Variants in ZNF423 observed in about 807,000 individuals in gnomAD.
The protein encoded by ZNF423 is zinc finger protein 423.
A neutral mutation model predicts 95.8 loss-of-function variants in ZNF423; 12 were observed. The observed-to-expected ratio is 0.13, with a 90% CI of 0.08 to 0.20. The LOEUF is 0.20. Among genes scored for constraint, ZNF423 ranks in the 10% least tolerant of loss-of-function variants. ZNF423 has a pLI of 1.00. For missense variants in ZNF423, 1,316 were observed against 1,737.1 expected, an observed-to-expected ratio of 0.76 and a Z score of 4.31; for synonymous variants, 749 against 711.9, an observed-to-expected ratio of 1.05 and a Z score of -0.83.
Position 49,637,938 on chromosome 16 carries a change from G to A in ZNF423, c.1238C>T (p.Thr413Ile). 1 of 1,614,158 alleles carries A rather than the reference G, an allele frequency of 6.2e-7. No homozygotes were observed. The stretch of plus-strand genomic sequence containing the variant: ...ATAGGGGCAGCTATAGACCACCTTG[G>A]TCCAGCCCTGCCCGTCATCCCGCAT... ...KKMRDDGQGW[T>I]KVVYSCPYCS... is the part of the protein sequence containing the mutation. Residue 413 changes from threonine (T) to isoleucine (I), a missense_variant, in exon 4 of 8, where the codon ACC becomes ATC. Around this residue, in one of 6 missense-constraint regions of ZNF423, gnomAD observed 399 missense variants for 478.5 expected, o/e 0.83. Transcript: ENST00000563137. The surrounding 1 kb of genome is among the most constrained non-coding windows in gnomAD (Gnocchi z 5.6).
intron 3 of ZNF423, among the ~76,000 whole-genome samples, chr16:49,674,150 G>T (rs1199591359): frequency 1.3e-5 from 2 of 152,212 alleles, no homozygotes; most frequent in African/African-American, 4.8e-5. Flanking sequence ...GTTCTAGCAT[G>T]GGTACTTTTT....
chr16:49,573,871 C>T (rs1970419397), intron 5 of ZNF423, among the ~76,000 whole-genome samples: 1 of 152,208 alleles, frequency 6.6e-6, no homozygotes, highest in Admixed American at 6.5e-5. Context: ...CTCTGGGCTT[C>T]TCTTTGCTAT....
At chr16:49,503,100 C>G (rs57703658) in intron 7 of ZNF423, among the ~76,000 whole-genome samples, 19,630 of 151,802 alleles carry the variant, frequency 0.13, 1,437 homozygotes, top group East Asian at 0.22. Context: ...AGTCCTGACA[C>G]TAACCATGTA....
chr16:49,525,392 C>T lies in ZNF423; in HGVS notation c.3704G>A (p.Gly1235Asp), dbSNP rs1252326214. The change falls in exon 6 of 8, where the codon GGC (glycine) becomes GAC (aspartate). Residue 1235 changes from glycine (G) to aspartate (D), a missense_variant. Coordinates refer to ENST00000563137, the MANE Select transcript of ZNF423 (RefSeq NM_001379286.1). ...GAAACACACGGGGCATTTGAAGGTG[C>T]CGCCCATGCCCTCGAAGCTGTGCTC... ...LIEHSFEGMG[G>D]TFKCPVCFTV... 8.7e-6 allele frequency: 14 copies of T among 1,614,040 alleles called. No individual in the cohort carries two copies. The highest frequency in any genetic ancestry group is 1.1e-5 in the Non-Finnish European group (13 of 1,179,948).
At position 49,766,146 on chromosome 16, in the gene ZNF423, A is replaced by C. The variant is rs537198587; in HGVS notation, c.100+23341T>G. 3.0e-4 allele frequency among the ~76,000 whole-genome samples: 46 copies of C among 152,370 alleles called. No individual in the cohort carries two copies. In the South Asian group the frequency reaches 8.3e-3, roughly 27 times the overall value. ...AATGGAGGAAAACAGTAGAATACTGAGAAAATGTATAGCAGGCAGATGCAA... is the reference window on the plus strand; with the variant it reads ...AATGGAGGAAAACAGTAGAATACTGCGAAAATGTATAGCAGGCAGATGCAA... On this transcript the variant is annotated intron_variant, in intron 2 of 7. Coordinates refer to ENST00000563137, the MANE Select transcript of ZNF423 (RefSeq NM_001379286.1).
intron 3 of ZNF423, among the ~76,000 whole-genome samples, chr16:49,703,053 C>T (rs1167206946): frequency 6.6e-6 from 1 of 152,166 alleles, no homozygotes; most frequent in Non-Finnish European, 1.5e-5. Context: ...CGAACACATG[C>T]ACCAACACAG....
intron 7 of ZNF423, chr16:49,518,315 T>C (rs537098458): frequency 4.0e-5 from 16 of 398,934 alleles, no homozygotes; most frequent in Non-Finnish European, 6.3e-5. Context: ...CTGTCATTGA[T>C]ACTGTTTCTG....
At chr16:49,572,800 C>G (rs1328551692) in intron 5 of ZNF423, among the ~76,000 whole-genome samples, 4 of 152,142 alleles carry the variant, frequency 2.6e-5, no homozygotes, top group Non-Finnish European at 5.9e-5. Context: ...GAGAGGGATG[C>G]TGGCAATGGG....
intron 2 of ZNF423, among the ~76,000 whole-genome samples, chr16:49,745,235 T>A (rs981249437): frequency 6.6e-6 from 1 of 152,222 alleles, no homozygotes; most frequent in Non-Finnish European, 1.5e-5. Flanking sequence ...TTTTATAATT[T>A]TTTTAGGTTT....
chr16:49,638,396 G>C lies in ZNF423; in HGVS notation c.780C>G (p.Ala260=). 6.2e-7 allele frequency: 1 copy of C among 1,613,948 alleles called. No individual in the cohort carries two copies. Among genetic ancestry groups the C allele is most frequent in the Non-Finnish European group, 8.5e-7 (1 of 1,180,024 alleles). Residue 260 remains alanine, a synonymous_variant, in exon 4 of 8, where the codon GCC becomes GCG. Coordinates refer to ENST00000563137, the MANE Select transcript of ZNF423 (RefSeq NM_001379286.1). This position sits in a 1 kb window ranked among gnomAD's most constrained non-coding sequence, Gnocchi z 5.6. Reference sequence around the variant, plus strand: ...CCTTCTTGGCTTCCTTCTCCGACTTGGCCAGATGCTCCTTGTTCTTTTTGT... The same window carrying C: ...CCTTCTTGGCTTCCTTCTCCGACTTCGCCAGATGCTCCTTGTTCTTTTTGT... ...QAHKKNKEHL[A]KSEKEAKKDD...
chr16:49,565,018 G>T (rs1970141944), intron 5 of ZNF423, among the ~76,000 whole-genome samples: 2 of 152,158 alleles, frequency 1.3e-5, no homozygotes, highest in African/African-American at 4.8e-5. Flanking sequence ...CTGTTCTTGA[G>T]GTTTCGGTTG....
rs535641241 is a variant in ZNF423, at chr16:49,581,567, A to C, written c.3601+44603T>G. Among the ~76,000 whole-genome samples, 23 of 152,302 alleles carry C rather than the reference A, an allele frequency of 1.5e-4. 1 individual carries two copies. In the South Asian group the frequency reaches 3.3e-3, roughly 22 times the overall value. On this transcript the variant is annotated intron_variant, in intron 5 of 7. Coordinates refer to ENST00000563137, the MANE Select transcript of ZNF423 (RefSeq NM_001379286.1). ...GAATACTGTTTCTTAGGTGAGCTCT[A>C]ATCTTCTTTGAATCCTCCCAACACA...
At chr16:49,685,100 GGCA>G (rs1391262399) in intron 3 of ZNF423, among the ~76,000 whole-genome samples, 2 of 152,070 alleles carry the variant, frequency 1.3e-5, no homozygotes, top group Admixed American at 1.3e-4. Flanking sequence ...GCGGGCATCC[GGCA>G]GCCCAGCCAG....
intron 1 of ZNF423, among the ~76,000 whole-genome samples, chr16:49,810,941 C>A (rs2034741286): frequency 6.6e-6 from 1 of 152,038 alleles, no homozygotes; most frequent in Non-Finnish European, 1.5e-5. Flanking sequence ...GAGGATGTGG[C>A]TAAGGAGGGG....
intron 2 of ZNF423, among the ~76,000 whole-genome samples, chr16:49,745,557 A>C (rs1261503638): frequency 1.3e-5 from 2 of 152,230 alleles, no homozygotes; most frequent in Non-Finnish European, 1.5e-5. Flanking sequence ...CTTGAAGCCC[A>C]GCAAACTCGT....
intron 1 of ZNF423, among the ~76,000 whole-genome samples, chr16:49,834,520 C>A (rs1023044455): frequency 2.6e-5 from 4 of 152,204 alleles, no homozygotes; most frequent in African/African-American, 9.7e-5. Flanking sequence ...GAGGCCAGGG[C>A]TGGGCCCTGC....
At chr16:49,681,297 G>A (rs1189553958) in intron 3 of ZNF423, among the ~76,000 whole-genome samples, 1 of 152,180 alleles carries the variant, frequency 6.6e-6, no homozygotes, top group East Asian at 1.9e-4. Context: ...AAATCCAACA[G>A]CATCCAGACT....
At chr16:49,783,265 G>A (rs1349305536) in intron 2 of ZNF423, among the ~76,000 whole-genome samples, 1 of 151,572 alleles carries the variant, frequency 6.6e-6, no homozygotes, top group East Asian at 2.0e-4. Context: ...GTGGGAGAGG[G>A]GGTGATTAGG....
chr16:49,531,854 C>T (rs1032555901), intron 5 of ZNF423, among the ~76,000 whole-genome samples: 28 of 152,094 alleles, frequency 1.8e-4, no homozygotes, highest in African/African-American at 6.5e-4. Flanking sequence ...CACTTCCCTG[C>T]CAAGCAGCCC....
Sources: allele counts gnomAD v4.1 joint callset (sites outside exome capture counted in the v4.1 genomes callset), GRCh38; gene constraint gnomAD v4.1.1; regional missense constraint gnomAD v4.1.1; non-coding constraint Gnocchi (gnomAD v3.1); transcripts MANE v1.5; gene names NCBI Gene and HGNC (gene_info 2026-07-23, HGNC 2026-07-21).